The following WDR7 variants were observed in gnomAD, a reference collection of about 807,000 sequenced individuals.
WDR7 encodes the protein WD repeat domain 7, also known as WD repeat-containing protein 7.
WDR7 carries 46 observed loss-of-function variants against 169.4 expected under a neutral mutation model. That is an observed-to-expected ratio of 0.27 (90% confidence interval 0.21 to 0.35). The LOEUF is 0.35. Among genes scored for constraint, WDR7 ranks in the 10% least tolerant of loss-of-function variants. WDR7 has a pLI of 1.00. For missense variants in WDR7, 1,534 were observed against 1,859.3 expected, an observed-to-expected ratio of 0.83 and a Z score of 3.22; for synonymous variants, 612 against 666.8, an observed-to-expected ratio of 0.92 and a Z score of 1.27.
intron 2 of WDR7, 58 bp downstream of exon 2, chr18:56,672,732 A>C: frequency 2.1e-6 from 3 of 1,455,500 alleles, no homozygotes; most frequent in Non-Finnish European, 2.7e-6. Context: ...TTATTAGAAG[A>C]TAATATAGTC....
At chr18:56,901,525 C>T (rs2145566047) in intron 21 of WDR7, among the ~76,000 whole-genome samples, 1 of 152,224 alleles carries the variant, frequency 6.6e-6, no homozygotes, top group Non-Finnish European at 1.5e-5. Flanking sequence ...CCCAAATTTG[C>T]ATTTCAATGG....
intron 19 of WDR7, among the ~76,000 whole-genome samples, chr18:56,795,282 C>T (rs1351327745): frequency 1.3e-5 from 2 of 152,116 alleles, no homozygotes; most frequent in Non-Finnish European, 2.9e-5. Flanking sequence ...GTGCCCACCT[C>T]GTTTCCTGAC....
chr18:56,675,450 G>T (rs754354971), intron 2 of WDR7, among the ~76,000 whole-genome samples: 2 of 151,642 alleles, frequency 1.3e-5, no homozygotes, highest in Admixed American at 1.3e-4. Context: ...TTATTTCAAA[G>T]AATTTTATTT....
At chr18:56,863,737 CTT>C (rs2045842243) in intron 20 of WDR7, among the ~76,000 whole-genome samples, 1 of 151,636 alleles carries the variant, frequency 6.6e-6, no homozygotes, top group Non-Finnish European at 1.5e-5. Flanking sequence ...TAATAGATGA[CTT>C]TTAGCTTTAC....
chr18:56,929,968 C>CT (rs1401823542), intron 22 of WDR7, among the ~76,000 whole-genome samples: 1 of 152,198 alleles, frequency 6.6e-6, no homozygotes, highest in African/African-American at 2.4e-5. Context: ...TTCCATCTCT[C>CT]TAAGTTGTGG....
intron 22 of WDR7, among the ~76,000 whole-genome samples, chr18:56,932,128 C>A (rs2046894727): frequency 6.6e-6 from 1 of 152,150 alleles, no homozygotes; most frequent in South Asian, 2.1e-4. Flanking sequence ...TCTACCCTCA[C>A]ACACACAGCC....
chr18:56,849,278 T>C (rs966750484), intron 20 of WDR7, among the ~76,000 whole-genome samples: 1 of 152,238 alleles, frequency 6.6e-6, no homozygotes, highest in East Asian at 1.9e-4. Flanking sequence ...AAATTAGGAC[T>C]CCTTGGCTCT....
intron 14 of WDR7, among the ~76,000 whole-genome samples, chr18:56,746,564 G>T (rs769376215): frequency 1.3e-5 from 2 of 152,138 alleles, no homozygotes. Context: ...CATCTCATGA[G>T]CATGAGTTCT....
At chr18:56,966,381 C>A (rs1447574166) in intron 26 of WDR7, among the ~76,000 whole-genome samples, 1 of 152,074 alleles carries the variant, frequency 6.6e-6, no homozygotes, top group Non-Finnish European at 1.5e-5. Flanking sequence ...CATCCTCCTC[C>A]TCTGCCTATT....
intron 27 of WDR7, among the ~76,000 whole-genome samples, chr18:57,024,339 GT>G (rs1257673123): frequency 6.6e-6 from 1 of 152,100 alleles, no homozygotes; most frequent in African/African-American, 2.4e-5. Flanking sequence ...AAAATTGTTA[GT>G]TGTTTCAGAG....
intron 20 of WDR7, among the ~76,000 whole-genome samples, chr18:56,855,112 A>G (rs568964956): frequency 4.6e-5 from 7 of 152,260 alleles, no homozygotes; most frequent in Non-Finnish European, 7.4e-5. Context: ...TAAAATTTCG[A>G]TAATTATTAA....
intron 25 of WDR7, among the ~76,000 whole-genome samples, chr18:56,959,948 G>T (rs1038329340): frequency 4.8e-4 from 73 of 152,116 alleles, no homozygotes; most frequent in African/African-American, 1.7e-3. Context: ...CACTGCAGCT[G>T]GTTCCCATAG....
chr18:56,903,463 AGGCT>A (rs1418560899), intron 21 of WDR7, among the ~76,000 whole-genome samples: 1 of 152,114 alleles, frequency 6.6e-6, no homozygotes, highest in Non-Finnish European at 1.5e-5. Flanking sequence ...CCTGTCACCC[AGGCT>A]GGAATGCAGT....
At chr18:56,983,610 G>A (rs2047676101) in intron 26 of WDR7, among the ~76,000 whole-genome samples, 1 of 151,842 alleles carries the variant, frequency 6.6e-6, no homozygotes, top group Non-Finnish European at 1.5e-5. Flanking sequence ...TAAACTCCCT[G>A]TCAGTTTCCT....
intron 13 of WDR7, among the ~76,000 whole-genome samples, chr18:56,726,553 C>A (rs1213153785): frequency 5.9e-5 from 9 of 152,144 alleles, no homozygotes; most frequent in Admixed American, 5.9e-4. Flanking sequence ...AGATTTTGGG[C>A]TGAGACAATG....
chr18:56,695,888 A>C (rs2025692593), intron 11 of WDR7, among the ~76,000 whole-genome samples: 1 of 152,214 alleles, frequency 6.6e-6, no homozygotes, highest in Non-Finnish European at 1.5e-5. Flanking sequence ...AAACAGTTGA[A>C]ATTGACTATA....
chr18:56,989,869 G>A (rs953716866), intron 26 of WDR7, among the ~76,000 whole-genome samples: 2 of 151,940 alleles, frequency 1.3e-5, no homozygotes, highest in Non-Finnish European at 1.5e-5. Flanking sequence ...TCACTTACAT[G>A]GCTGAGTTTG....
chr18:56,980,785 T>G (rs1276769339), intron 26 of WDR7, among the ~76,000 whole-genome samples: 1 of 151,952 alleles, frequency 6.6e-6, no homozygotes, highest in African/African-American at 2.4e-5. Context: ...GTGAGGAAGA[T>G]CTTAGGGTCC....
At chr18:56,884,212 G>A (rs1051070652) in intron 21 of WDR7, among the ~76,000 whole-genome samples, 2 of 152,164 alleles carry the variant, frequency 1.3e-5, no homozygotes, top group African/African-American at 2.4e-5. Flanking sequence ...CAGGAGCAAG[G>A]TGGTGTCGCA....
Sources: gnomAD v4.1 joint callset for allele counts (sites outside exome capture counted in the v4.1 genomes callset) on GRCh38, gnomAD v4.1.1 for gene constraint, MANE v1.5 for transcripts, NCBI Gene and HGNC (gene_info 2026-07-23, HGNC 2026-07-21) for gene names.